Variants in USP42 observed in about 807,000 individuals in gnomAD.
USP42 encodes ubiquitin specific peptidase 42, also known as ubiquitin carboxyl-terminal hydrolase 42.
A neutral mutation model predicts 113.0 loss-of-function variants in USP42; 23 were observed. The observed-to-expected ratio is 0.20, with a 90% CI of 0.15 to 0.29. The LOEUF is 0.29. Among genes scored for constraint, USP42 ranks in the 10% least tolerant of loss-of-function variants. USP42 has a pLI of 1.00. For synonymous variants in USP42, 933 were observed against 699.0 expected (o/e 1.33, Z -5.28); for missense variants, 2,174 against 1,779.8 (o/e 1.22, Z -3.99).
At chr7:6,137,617 C>G (rs576916485) in intron 4 of USP42, among the ~76,000 whole-genome samples, 1 of 152,128 alleles carries the variant, frequency 6.6e-6, no homozygotes, top group African/African-American at 2.4e-5. Flanking sequence ...CTTGGCCTCC[C>G]AAAGTGCAGA....
rs1332655621 is a variant in USP42, at chr7:6,161,536, C to A, written c.*1018C>A. 2 of 152,554 alleles carry A rather than the reference C, an allele frequency of 1.3e-5. No homozygotes were observed. The highest frequency in any genetic ancestry group is 2.4e-5 in the African/African-American group (1 of 41,432). The allele number at this position is 152,554 out of a possible 1,614,324, so 9.5% of individuals were successfully genotyped here. ...TGTAAATATACAGCATGTAAAATTT[C>A]TATAGTATATAAATGGCAGCAAATC... On this transcript the variant is annotated 3_prime_UTR_variant, in exon 18 of 18. Transcript: ENST00000306177.
intron 3 of USP42, among the ~76,000 whole-genome samples, chr7:6,123,926 A>C (rs1464173536): frequency 6.8e-6 from 1 of 147,298 alleles, no homozygotes; most frequent in African/African-American, 2.5e-5. Flanking sequence ...CCTATGCTGG[A>C]GTGCACTGGC....
chr7:6,140,328 C>T, intron 6 of USP42, 133 bp downstream of exon 6: 1 of 816,046 alleles, frequency 1.2e-6, no homozygotes, highest in South Asian at 1.8e-5. Context: ...ATTCCTTTTA[C>T]CCAGAGGCAG....
rs982734994 is a variant in USP42, at chr7:6,160,695, C to G, written c.*177C>G. 3.9e-5 allele frequency: 6 copies of G among 152,538 alleles called. No homozygotes were observed. The highest frequency in any genetic ancestry group is 2.9e-5 in the Non-Finnish European group (2 of 68,024). The allele number at this position is 152,538 out of a possible 1,614,324, so 9.4% of individuals were successfully genotyped here. On this transcript the variant is annotated 3_prime_UTR_variant, in exon 18 of 18. Coordinates refer to ENST00000306177, the MANE Select transcript of USP42 (RefSeq NM_032172.3). ...TGGAGAACTTTTTTTTTAGTTTTTACCTTTTCTTAATTACCCTTATTCCGA... is the reference window on the plus strand; with the variant it reads ...TGGAGAACTTTTTTTTTAGTTTTTAGCTTTTCTTAATTACCCTTATTCCGA...
chr7:6,104,795 T>C (rs914176928), upstream of USP42: 11 of 151,670 alleles, frequency 7.3e-5, no homozygotes, highest in Admixed American at 5.3e-4. Context: ...CTCGCCGTGC[T>C]TGTTAGCTGC....
intron 3 of USP42, among the ~76,000 whole-genome samples, chr7:6,125,000 G>T (rs1279874682): frequency 2.0e-5 from 3 of 151,700 alleles, no homozygotes; most frequent in Admixed American, 6.6e-5. Context: ...GGCCAATATA[G>T]CAAAACCCCG....
intron 3 of USP42, among the ~76,000 whole-genome samples, chr7:6,133,885 C>A (rs1422689987): frequency 1.4e-5 from 2 of 138,602 alleles, no homozygotes; most frequent in Non-Finnish European, 3.1e-5. Flanking sequence ...TTCCATGTTT[C>A]TTCTTCTTTT....
chr7:6,157,182 C>G lies in USP42; in HGVS notation c.3943+127C>G. 1 of 1,435,738 alleles carries G rather than the reference C, an allele frequency of 7.0e-7. No individual in the cohort carries two copies. The highest frequency in any genetic ancestry group is 9.1e-7 in the Non-Finnish European group (1 of 1,100,402). 88.9% of individuals were successfully genotyped at this position (1,435,738 alleles called of 1,614,324 possible). A position where few individuals can be genotyped will look rare whatever the true frequency, so the allele number is the denominator to read the frequency against. Reference sequence around the variant, plus strand: ...AAAGGGCACAGTTACTCAGAGCACCCCTGCCCTGCCTGGTCTGGCCTCAGT... The same window carrying G: ...AAAGGGCACAGTTACTCAGAGCACCGCTGCCCTGCCTGGTCTGGCCTCAGT... On this transcript the variant is annotated intron_variant, in intron 16 of 17. Coordinates refer to ENST00000306177, the MANE Select transcript of USP42 (RefSeq NM_032172.3). The surrounding 1 kb of genome is among the most constrained non-coding windows in gnomAD (Gnocchi z 4.1).
rs947475281 is a variant in USP42, at chr7:6,159,349, G to A, written c.3944-101G>A. 43 of 1,510,124 alleles carry A rather than the reference G, an allele frequency of 2.8e-5. No homozygotes were observed. In the African/African-American group the frequency reaches 3.9e-4, roughly 14 times the overall value. 93.5% of individuals were successfully genotyped at this position (1,510,124 alleles called of 1,614,324 possible). On this transcript the variant is annotated intron_variant, in intron 16 of 17. Coordinates refer to ENST00000306177, the MANE Select transcript of USP42 (RefSeq NM_032172.3). The surrounding 1 kb of genome is among the most constrained non-coding windows in gnomAD (Gnocchi z 4.1). ...TGGCCTCAGGCGCTCACAGGGAACC[G>A]CAGTGACTCTGACCATAGCCACTTA...
chr7:6,095,600 C>T, the USP42 span, among the ~76,000 whole-genome samples: 48 of 150,860 alleles, frequency 3.2e-4, no homozygotes, highest in African/African-American at 2.5e-5. Flanking sequence ...ACCTGGGAGG[C>T]GGAGGTTGCA....
In USP42 at chr7:6,111,202, C is replaced by G; in HGVS notation, c.69C>G (p.Ser23=). ...CCTATCAGAATCAGCCTGGCAGCTCCGAGGCAGTCTCACCTGGAGACATGG... is the reference window on the plus strand; with the variant it reads ...CCTATCAGAATCAGCCTGGCAGCTCGGAGGCAGTCTCACCTGGAGACATGG... ...PSAYQNQPGS[S]EAVSPGDMDA... Residue 23 remains serine (S), a synonymous_variant, in exon 2 of 18, where the codon TCC becomes TCG. Transcript: ENST00000306177. The G allele has an allele frequency of 1.2e-6, 2 of 1,611,718 alleles. No homozygotes were observed. Among genetic ancestry groups the G allele is most frequent in the Non-Finnish European group, 1.7e-6 (2 of 1,178,802 alleles).
chr7:6,083,563 C>T, the USP42 span, among the ~76,000 whole-genome samples: 1 of 150,246 alleles, frequency 6.7e-6, no homozygotes, highest in African/African-American at 2.5e-5. Context: ...GCCTTAAATA[C>T]ATATATATGT....
At chr7:6,122,557 G>A (rs1042628685) in intron 3 of USP42, among the ~76,000 whole-genome samples, 3 of 151,354 alleles carry the variant, frequency 2.0e-5, no homozygotes, top group African/African-American at 4.9e-5. Context: ...TGCAACCTGC[G>A]CCTCATGGGT....
At chr7:6,117,851 A>G (rs916355178) in intron 3 of USP42, among the ~76,000 whole-genome samples, 4 of 152,074 alleles carry the variant, frequency 2.6e-5, no homozygotes, top group Admixed American at 1.3e-4. Flanking sequence ...ACATCTTTTC[A>G]TGTGGTTATT....
chr7:6,115,093 C>T (rs1366148308), intron 2 of USP42, among the ~76,000 whole-genome samples: 1 of 151,948 alleles, frequency 6.6e-6, no homozygotes, highest in Non-Finnish European at 1.5e-5. Context: ...AATCTGTAAC[C>T]CTCTCCCCTT....
intron 15 of USP42, among the ~76,000 whole-genome samples, chr7:6,155,971 G>A (rs1183453095): frequency 3.3e-5 from 5 of 152,144 alleles, no homozygotes; most frequent in East Asian, 1.9e-4. Flanking sequence ...CGCGCACGCT[G>A]TTCTCAAACC....
intron 3 of USP42, among the ~76,000 whole-genome samples, chr7:6,130,100 G>A (rs773887995): frequency 2.6e-5 from 4 of 151,976 alleles, no homozygotes; most frequent in Non-Finnish European, 5.9e-5. Context: ...GTCCTCTTGC[G>A]TCGACCTCCG....
the USP42 span, chr7:6,085,019 A>G: frequency 2.0e-5 from 3 of 151,226 alleles, no homozygotes; most frequent in African/African-American, 7.4e-5. Context: ...GCACCCAGCC[A>G]AGGACTCTTA....
rs1779861465 is a variant in USP42 at position 6,115,457 on chromosome 7, C to T, written c.376C>T (p.Leu126=). ...LGNTCFANAA[L]QCLTYTPPLA... Reference sequence around the variant, plus strand: ...CAATACCTGTTTTGCCAATGCAGCACTGCAGTGTTTAACCTACACACCACC... The same window carrying T: ...CAATACCTGTTTTGCCAATGCAGCATTGCAGTGTTTAACCTACACACCACC... The change falls in exon 3 of 18, where the codon CTG becomes TTG. Residue 126 remains leucine (L), a synonymous_variant. Transcript: ENST00000306177. The T allele has an allele frequency of 1.9e-6, 3 of 1,614,078 alleles. No homozygotes were observed. Among genetic ancestry groups the T allele is most frequent in the South Asian group, 1.1e-5 (1 of 91,092 alleles).
Sources: gnomAD v4.1 joint callset for allele counts (sites outside exome capture counted in the v4.1 genomes callset) on GRCh38, gnomAD v4.1.1 for gene constraint, Gnocchi (gnomAD v3.1) non-coding constraint, MANE v1.5 for transcripts, NCBI Gene and HGNC (gene_info 2026-07-23, HGNC 2026-07-21) for gene names.